The following BMP3 variants were observed in gnomAD, a reference collection of about 807,000 sequenced individuals.
BMP3 encodes the protein bone morphogenetic protein 3 (osteogenic).
Under a neutral mutation model 38.1 loss-of-function variants are expected in BMP3, and 23 were observed. The observed-to-expected ratio is 0.60, with a 90% CI of 0.43 to 0.86. The LOEUF is 0.86. Among genes scored for constraint, BMP3 ranks in the 40% least tolerant of loss-of-function variants. The pLI is 0.00. For synonymous variants in BMP3, 258 were observed against 225.7 expected (o/e 1.14, Z -1.28); for missense variants, 628 against 579.6 (o/e 1.08, Z -0.86).
At position 81,046,636 on chromosome 4, in the gene BMP3, C is replaced by A; in HGVS notation, c.1215C>A (p.Phe405Leu). The stretch of plus-strand genomic sequence containing the variant: ...ATTATTGCTCTGGAGCATGCCAGTT[C>A]CCCATGCCAAAGGTAGCCATTGTTC... ...DAYYCSGACQ[F>L]PMPKSLKPSN... Residue 405 changes from phenylalanine to leucine, a missense_variant, in exon 2 of 3, where the codon TTC (phenylalanine) becomes TTA (leucine). Coordinates refer to ENST00000282701, the MANE Select transcript of BMP3 (RefSeq NM_001201.5). 2.5e-6 allele frequency: 4 copies of A among 1,610,492 alleles called. No homozygotes were observed. The highest frequency in any genetic ancestry group is 3.4e-6 in the Non-Finnish European group (4 of 1,177,962).
At position 81,035,314 on chromosome 4, in the gene BMP3, G is replaced by A. The variant is rs1184521635; in HGVS notation, c.316+3714G>A. 3.3e-5 allele frequency among the ~76,000 whole-genome samples: 5 copies of A among 151,776 alleles called. 1 individual carries two copies. The highest frequency in any genetic ancestry group is 1.9e-4 in the East Asian group (1 of 5,182). On this transcript the variant is annotated intron_variant, in intron 1 of 2. Coordinates refer to ENST00000282701, the MANE Select transcript of BMP3 (RefSeq NM_001201.5). ...TTGTTTAGCTAGAAACACTTGAAGA[G>A]ACCAAGTGTTTCATTGACCATGGGG...
rs1739739505 is a variant in BMP3, at chr4:81,031,083, A to G, written c.-202A>G. On this transcript the variant is annotated 5_prime_UTR_variant, in exon 1 of 3. Coordinates refer to ENST00000282701, the MANE Select transcript of BMP3 (RefSeq NM_001201.5). Reference sequence around the variant, plus strand: ...GAGGTCCGCGCAGCTGCTGGGGAAGAGCCCACCTGTCAGGCTGCGCTGGGT... The same window carrying G: ...GAGGTCCGCGCAGCTGCTGGGGAAGGGCCCACCTGTCAGGCTGCGCTGGGT... 5.2e-6 allele frequency: 3 copies of G among 578,878 alleles called. No homozygotes were observed. The highest frequency in any genetic ancestry group is 8.9e-6 in the Non-Finnish European group (3 of 338,714). The allele number at this position is 578,878 out of a possible 1,614,324, so 35.9% of individuals were successfully genotyped here.
At chr4:81,044,679 A>G (rs56252191) in intron 1 of BMP3, among the ~76,000 whole-genome samples, 4,839 of 152,214 alleles carry the variant, frequency 0.032, 247 homozygotes, top group African/African-American at 0.11. Context: ...TTCTGTCTCT[A>G]TGGATTTTAC....
Position 81,030,752 on chromosome 4 carries a change from C to T in BMP3, c.-533C>T, listed in dbSNP as rs1373144540. ...ACACACACGCACACACGCGCGCGCG[C>T]GCGCGCACACACACACACACGTACA... is the stretch of plus-strand genomic sequence containing the variant. On this transcript the variant is annotated 5_prime_UTR_variant, in exon 1 of 3. Coordinates refer to ENST00000282701, the MANE Select transcript of BMP3 (RefSeq NM_001201.5). Among the ~76,000 whole-genome samples, 1 of 151,696 alleles carries T rather than the reference C, an allele frequency of 6.6e-6. No homozygotes were observed. The highest frequency in any genetic ancestry group is 1.5e-5 in the Non-Finnish European group (1 of 67,912).
intron 1 of BMP3, among the ~76,000 whole-genome samples, chr4:81,044,468 T>G (rs1423855132): frequency 6.6e-6 from 1 of 152,264 alleles, no homozygotes; most frequent in African/African-American, 2.4e-5. Context: ...TTGTTTTAAT[T>G]GAGGTGAAAT....
chr4:81,031,069 A>T lies in BMP3; in HGVS notation c.-216A>T, dbSNP rs1283313591. 2 of 556,656 alleles carry T rather than the reference A, an allele frequency of 3.6e-6. No individual in the cohort carries two copies. The highest frequency in any genetic ancestry group is 4.0e-5 in the African/African-American group (2 of 49,604). 34.5% of individuals were successfully genotyped at this position (556,656 alleles called of 1,614,324 possible). A position where few individuals can be genotyped will look rare whatever the true frequency, so the allele number is the denominator to read the frequency against. ...CGCCCTGCGCGGGTGAGGTCCGCGC[A>T]GCTGCTGGGGAAGAGCCCACCTGTC... On this transcript the variant is annotated 5_prime_UTR_variant, in exon 1 of 3. Coordinates refer to ENST00000282701, the MANE Select transcript of BMP3 (RefSeq NM_001201.5).
At chr4:81,041,283 C>A (rs1179906490) in intron 1 of BMP3, among the ~76,000 whole-genome samples, 1 of 152,162 alleles carries the variant, frequency 6.6e-6, no homozygotes, top group Non-Finnish European at 1.5e-5. Flanking sequence ...TTTTTTCATC[C>A]ATTGTAAATG....
At chr4:81,034,829 G>T (rs958652678) in intron 1 of BMP3, among the ~76,000 whole-genome samples, 1 of 152,036 alleles carries the variant, frequency 6.6e-6, no homozygotes, top group African/African-American at 2.4e-5. Context: ...GAAGTATAAG[G>T]CTAAAATATA....
Position 81,030,961 on chromosome 4 carries a change from A to C in BMP3, c.-324A>C, listed in dbSNP as rs1196842324. ...AAAATAAAGCGAGGAGGGAAGGTAC[A>C]GACAGATCTTGAAAACACCCGGGCC... On this transcript the variant is annotated 5_prime_UTR_variant, in exon 1 of 3. Transcript: ENST00000282701. The C allele has an allele frequency of 6.0e-6, 2 of 331,764 alleles. No homozygotes were observed. The highest frequency in any genetic ancestry group is 5.5e-6 in the Non-Finnish European group (1 of 181,360). 20.6% of individuals were successfully genotyped at this position (331,764 alleles called of 1,614,324 possible). A position where few individuals can be genotyped will look rare whatever the true frequency, so the allele number is the denominator to read the frequency against.
Position 81,053,880 on chromosome 4 carries a change from A to G in BMP3, c.*344A>G, listed in dbSNP as rs1212555914. 1 of 161,222 alleles carries G rather than the reference A, an allele frequency of 6.2e-6. No individual in the cohort carries two copies. Among genetic ancestry groups the G allele is most frequent in the Non-Finnish European group, 1.4e-5 (1 of 74,000 alleles). 10.0% of individuals were successfully genotyped at this position (161,222 alleles called of 1,614,324 possible). A position where few individuals can be genotyped will look rare whatever the true frequency, so the allele number is the denominator to read the frequency against. On this transcript the variant is annotated 3_prime_UTR_variant, in exon 3 of 3. Coordinates refer to ENST00000282701, the MANE Select transcript of BMP3 (RefSeq NM_001201.5). ...TTTGAAAACAGAATGGAGAAGCAGC[A>G]ATAGCTTGTCATTTATCTCATTTAA...
chr4:81,045,509 C>G (rs1740205125), intron 1 of BMP3, among the ~76,000 whole-genome samples: 1 of 152,066 alleles, frequency 6.6e-6, no homozygotes, highest in East Asian at 1.9e-4. Flanking sequence ...GATGTATCTA[C>G]TTTTTCTTTT....
rs1740535384 is a variant in BMP3, at chr4:81,055,699, T to C, written c.*2163T>C. On this transcript the variant is annotated 3_prime_UTR_variant, in exon 3 of 3. Coordinates refer to ENST00000282701, the MANE Select transcript of BMP3 (RefSeq NM_001201.5). ...TTCCCAGTATCACTTCTTAGCCTTCTTATATCCAAATGCCTGTTTATTACC... is the reference window on the plus strand; with the variant it reads ...TTCCCAGTATCACTTCTTAGCCTTCCTATATCCAAATGCCTGTTTATTACC... 6.6e-6 allele frequency: 1 copy of C among 152,172 alleles called. No individual in the cohort carries two copies. The highest frequency in any genetic ancestry group is 2.1e-4 in the South Asian group (1 of 4,818). The allele number at this position is 152,172 out of a possible 1,614,324, so 9.4% of individuals were successfully genotyped here.
chr4:81,039,414 C>T (rs1351220940), intron 1 of BMP3, among the ~76,000 whole-genome samples: 1 of 152,122 alleles, frequency 6.6e-6, no homozygotes, highest in Non-Finnish European at 1.5e-5. Context: ...TCTAATTCCC[C>T]TTGCAAACGT....
rs370333552 is a variant in BMP3 at position 81,049,215 on chromosome 4, G to A, written c.1227+2567G>A. Among the ~76,000 whole-genome samples the A allele has an allele frequency of 8.5e-5, 13 of 152,242 alleles. No individual in the cohort carries two copies. The East Asian group carries it at 1.9e-3, about 23-fold the overall frequency. On this transcript the variant is annotated intron_variant, in intron 2 of 2. Transcript: ENST00000282701. The stretch of plus-strand genomic sequence containing the variant: ...AGACTGAGGAGAAAGAAAAGCAAAC[G>A]TAGGACTCTGAAGAAAGACTACATA...
At chr4:81,034,363 T>G (rs1223805091) in intron 1 of BMP3, among the ~76,000 whole-genome samples, 1 of 152,174 alleles carries the variant, frequency 6.6e-6, no homozygotes, top group Non-Finnish European at 1.5e-5. Flanking sequence ...AAATACACCA[T>G]GTGAAGGAAG....
At chr4:81,033,285 G>A (rs1165485721) in intron 1 of BMP3, among the ~76,000 whole-genome samples, 1 of 152,168 alleles carries the variant, frequency 6.6e-6, no homozygotes, top group Admixed American at 6.5e-5. Flanking sequence ...GTATTGTATA[G>A]CTTTTATTTG....
At chr4:81,046,759 T>A in intron 2 of BMP3, 111 bp downstream of exon 2, 1 of 1,270,442 alleles carries the variant, frequency 7.9e-7, no homozygotes, top group Non-Finnish European at 1.1e-6. Context: ...GTGTTTCCAT[T>A]TGCAAAATCC....
chr4:81,053,452 C>T lies in BMP3; in HGVS notation c.1335C>T (p.Leu445=), dbSNP rs749306299. 2 of 1,610,918 alleles carry T rather than the reference C, an allele frequency of 1.2e-6. 1 individual carries two copies. The highest frequency in any genetic ancestry group is 2.2e-5 in the South Asian group (2 of 90,610). ...GTGTACCAGAAAAGATGTCCTCACTCAGTATTTTATTCTTTGATGAAAATA... is the reference window on the plus strand; with the variant it reads ...GTGTACCAGAAAAGATGTCCTCACTTAGTATTTTATTCTTTGATGAAAATA... ...PCCVPEKMSS[L]SILFFDENKN... Residue 445 remains leucine (L), a synonymous_variant, in exon 3 of 3, where the codon CTC becomes CTT. Transcript: ENST00000282701.
At chr4:81,040,206 G>T (rs1209883610) in intron 1 of BMP3, among the ~76,000 whole-genome samples, 1 of 152,132 alleles carries the variant, frequency 6.6e-6, no homozygotes, top group Non-Finnish European at 1.5e-5. Context: ...ACATTCCCAT[G>T]TGCCAGTGCC....
Sources: gnomAD v4.1 joint callset for allele counts (sites outside exome capture counted in the v4.1 genomes callset) on GRCh38, gnomAD v4.1.1 for gene constraint, MANE v1.5 for transcripts, NCBI Gene and HGNC (gene_info 2026-07-23, HGNC 2026-07-21) for gene names.